GALNT18: variants seen among roughly 807,000 people sequenced by gnomAD.
GALNT18 encodes GalNAc-transferase 18.
In GALNT18, 44 loss-of-function variants were observed where a neutral mutation model predicts 69.5. The observed-to-expected ratio is 0.63, with a 90% CI of 0.50 to 0.81. GALNT18 has a LOEUF of 0.81. Ranked by LOEUF, GALNT18 falls within the 40% of genes least tolerant of loss-of-function variation. The pLI, the probability that GALNT18 is intolerant of heterozygous loss-of-function variation, is 0.00. For missense variants in GALNT18, 715 were observed against 810.0 expected (o/e 0.88, Z 1.42); for synonymous variants, 364 against 318.2 (o/e 1.14, Z -1.53).
intron 1 of GALNT18, among the ~76,000 whole-genome samples, chr11:11,521,563 G>C (rs980341613): frequency 6.6e-6 from 1 of 152,110 alleles, no homozygotes; most frequent in Non-Finnish European, 1.5e-5. Flanking sequence ...GAAGAAACTC[G>C]AGGCCAGGCA....
In GALNT18 at chr11:11,377,214, C is replaced by A. The variant is rs1255157335; in HGVS notation, c.945G>T (p.Trp315Cys). 1 of 1,613,370 alleles carries A rather than the reference C, an allele frequency of 6.2e-7. No individual in the cohort carries two copies. Among genetic ancestry groups the A allele is most frequent in the Non-Finnish European group, 8.5e-7 (1 of 1,180,036 alleles). Residue 315 changes from tryptophan (W) to cysteine (C), a missense_variant, in exon 5 of 11, where the codon TGG (tryptophan) becomes TGT (cysteine). Physicochemically the swap from Trp to Cys is radical, Grantham distance 215. Transcript: ENST00000227756. This position sits in a 1 kb window ranked among gnomAD's most constrained non-coding sequence, Gnocchi z 4.6. ...GCGCTGTGGAGTTCTCCAGCTTCCA[C>A]CAGGCCTTGGGGGGATTTAGGTAGC... ...WCRYLNPPKA[W>C]WKLENSTAPI...
In GALNT18 at chr11:11,271,091, T is replaced by A; in HGVS notation, c.*53A>T. On this transcript the variant is annotated 3_prime_UTR_variant, in exon 11 of 11. Coordinates refer to ENST00000227756, the MANE Select transcript of GALNT18 (RefSeq NM_198516.3). ...ACCCCACGTGGACAGCAGGCAACGT[T>A]GCAGCAGGTGCTACACAGTAGCAAA... The A allele has an allele frequency of 6.5e-7, 1 of 1,550,330 alleles. No individual in the cohort carries two copies. The highest frequency in any genetic ancestry group is 8.8e-7 in the Non-Finnish European group (1 of 1,135,732).
chr11:11,277,700 G>A (rs950874934), intron 10 of GALNT18, among the ~76,000 whole-genome samples: 2 of 152,258 alleles, frequency 1.3e-5, no homozygotes, highest in African/African-American at 4.8e-5. Flanking sequence ...GGTATGTTGT[G>A]TCTTTGTTCT....
chr11:11,327,034 G>A, intron 9 of GALNT18, 52 bp downstream of exon 9: 1 of 1,306,426 alleles, frequency 7.7e-7, no homozygotes, highest in Non-Finnish European at 1.1e-6. Flanking sequence ...CCTTCCCCAT[G>A]CCAGGCACTC....
In GALNT18 at chr11:11,598,997, G is replaced by T. The variant is rs1340187512; in HGVS notation, c.235+22362C>A. Reference sequence around the variant, plus strand: ...AATCCTTTGAAATTTATTCAGGCTTGTTTTATGGCCTAGTGTATGGTGTAT... The same window carrying T: ...AATCCTTTGAAATTTATTCAGGCTTTTTTTATGGCCTAGTGTATGGTGTAT... On this transcript the variant is annotated intron_variant, in intron 1 of 10. Coordinates refer to ENST00000227756, the MANE Select transcript of GALNT18 (RefSeq NM_198516.3). The surrounding 1 kb of genome is among the most constrained non-coding windows in gnomAD (Gnocchi z 4.8). Among the ~76,000 whole-genome samples the T allele has an allele frequency of 6.6e-6, 1 of 151,754 alleles. No homozygotes were observed. The highest frequency in any genetic ancestry group is 1.5e-5 in the Non-Finnish European group (1 of 67,888).
At chr11:11,311,993 G>C (rs1426519672) in intron 9 of GALNT18, among the ~76,000 whole-genome samples, 1 of 152,182 alleles carries the variant, frequency 6.6e-6, no homozygotes, top group Non-Finnish European at 1.5e-5. Flanking sequence ...GTCTCGCTCT[G>C]TTGCCCAGGC....
At chr11:11,473,913 A>T (rs917081562) in intron 1 of GALNT18, among the ~76,000 whole-genome samples, 11 of 152,214 alleles carry the variant, frequency 7.2e-5, no homozygotes, top group African/African-American at 2.6e-4. Flanking sequence ...AAAAATACAA[A>T]AATTAGCTGG....
chr11:11,554,708 G>GA lies in GALNT18; in HGVS notation c.235+66650dup, dbSNP rs756238863. Among the ~76,000 whole-genome samples, 70 of 152,248 alleles carry GA rather than the reference G, an allele frequency of 4.6e-4. 1 individual carries two copies. Among genetic ancestry groups the GA allele is most frequent in the Non-Finnish European group, 1.6e-4 (11 of 68,016 alleles). ...TTCCATGGAACATCTTTTGGGAACT[G>GA]ATGCTATCTCACCGGCTATGTTGGA... On this transcript the variant is annotated intron_variant, in intron 1 of 10. Coordinates refer to ENST00000227756, the MANE Select transcript of GALNT18 (RefSeq NM_198516.3).
At chr11:11,520,147 A>G (rs1280648856) in intron 1 of GALNT18, among the ~76,000 whole-genome samples, 1 of 152,240 alleles carries the variant, frequency 6.6e-6, no homozygotes, top group Non-Finnish European at 1.5e-5. Flanking sequence ...ACAAGCTTGT[A>G]GCGCTTACTG....
At position 11,563,898 on chromosome 11, in the gene GALNT18, G is replaced by A. The variant is rs7925486; in HGVS notation, c.235+57461C>T. Among the ~76,000 whole-genome samples, 570 of 152,304 alleles carry A rather than the reference G, an allele frequency of 3.7e-3. 5 individuals carry two copies. The highest frequency in any genetic ancestry group is 0.013 in the African/African-American group (529 of 41,566). On this transcript the variant is annotated intron_variant, in intron 1 of 10. Coordinates refer to ENST00000227756, the MANE Select transcript of GALNT18 (RefSeq NM_198516.3). The surrounding 1 kb of genome is among the most constrained non-coding windows in gnomAD (Gnocchi z 4.6). ...TTTGCAAAGCTCCCCAAAGCATTTT[G>A]AGTTCTGAAAGCAAGAAACTGTTGA...
At chr11:11,300,664 G>C (rs1021570869) in intron 9 of GALNT18, among the ~76,000 whole-genome samples, 2 of 152,170 alleles carry the variant, frequency 1.3e-5, no homozygotes, top group African/African-American at 4.8e-5. Flanking sequence ...GCACAGTCAA[G>C]CTGTGGGCTG....
intron 1 of GALNT18, among the ~76,000 whole-genome samples, chr11:11,457,287 C>T (rs892262313): frequency 6.6e-6 from 1 of 152,164 alleles, no homozygotes; most frequent in African/African-American, 2.4e-5. Flanking sequence ...GGTCTGACTG[C>T]CTCACCTTCT....
intron 1 of GALNT18, among the ~76,000 whole-genome samples, chr11:11,491,945 T>C (rs1383191028): frequency 7.9e-5 from 12 of 152,180 alleles, no homozygotes; most frequent in Admixed American, 7.8e-4. Context: ...AAATCAGTAA[T>C]GAAAAGCTCA....
chr11:11,462,057 C>T (rs1856055388), intron 1 of GALNT18, among the ~76,000 whole-genome samples: 1 of 152,200 alleles, frequency 6.6e-6, no homozygotes, highest in Non-Finnish European at 1.5e-5. Context: ...AGACTTCACC[C>T]AGAGGGCAGT....
chr11:11,589,425 C>T (rs926053736), intron 1 of GALNT18, among the ~76,000 whole-genome samples: 1 of 152,142 alleles, frequency 6.6e-6, no homozygotes, highest in African/African-American at 2.4e-5. Context: ...ATTCCAAGAG[C>T]ATCTTCACAT....
chr11:11,503,212 A>G (rs2133901969), intron 1 of GALNT18, among the ~76,000 whole-genome samples: 1 of 152,262 alleles, frequency 6.6e-6, no homozygotes, highest in African/African-American at 2.4e-5. Flanking sequence ...AGGAACAGTG[A>G]GATTTTGGAG....
intron 1 of GALNT18, among the ~76,000 whole-genome samples, chr11:11,548,416 C>A (rs1366444933): frequency 1.3e-5 from 2 of 152,214 alleles, no homozygotes; most frequent in East Asian, 1.9e-4. Context: ...AGGCACCAAG[C>A]ACTAAGACAA....
At chr11:11,481,923 G>C (rs950357848) in intron 1 of GALNT18, among the ~76,000 whole-genome samples, 3 of 152,216 alleles carry the variant, frequency 2.0e-5, no homozygotes, top group Non-Finnish European at 2.9e-5. Context: ...TCAAAGCATA[G>C]CTTAAATACA....
rs1000528514 is a variant in GALNT18 at position 11,382,936 on chromosome 11, G to A, written c.596-3672C>T. Among the ~76,000 whole-genome samples, 3 of 152,124 alleles carry A rather than the reference G, an allele frequency of 2.0e-5. No homozygotes were observed. The highest frequency in any genetic ancestry group is 7.2e-5 in the African/African-American group (3 of 41,426). On this transcript the variant is annotated intron_variant, in intron 3 of 10. Transcript: ENST00000227756. The surrounding 1 kb of genome is among the most constrained non-coding windows in gnomAD (Gnocchi z 4.3). ...TGACTCTGCCAGATCTAGAGTCAAT[G>A]TGCAGCTGTCGATAGCCCATGTTGA...
Sources: allele counts gnomAD v4.1 joint callset (sites outside exome capture counted in the v4.1 genomes callset), GRCh38; gene constraint gnomAD v4.1.1; non-coding constraint Gnocchi (gnomAD v3.1); transcripts MANE v1.5; gene names NCBI Gene and HGNC (gene_info 2026-07-23, HGNC 2026-07-21).